Variants in LSM2 observed in about 807,000 individuals in gnomAD.
The protein encoded by LSM2 is U6 snRNA-associated Sm-like protein LSm2.
Under a neutral mutation model 17.0 loss-of-function variants are expected in LSM2, and 12 were observed. That is an observed-to-expected ratio of 0.70 (90% CI 0.45 to 1.14). The LOEUF (loss-of-function observed/expected upper bound fraction) is 1.14, where lower values mean the gene tolerates loss of function less well. Among genes scored for constraint, LSM2 ranks in the 50% most tolerant of loss-of-function variants. The pLI is 0.00. For synonymous variants in LSM2, 42 were observed against 44.5 expected (o/e 0.94, Z 0.22); for missense variants, 62 against 111.8 (o/e 0.55, Z 2.01).
At chr6:31,806,019 G>A in intron 2 of LSM2, 56 bp downstream of exon 2, 1 of 1,485,276 alleles carries the variant, frequency 6.7e-7, no homozygotes. Flanking sequence ...AATTAAAGAG[G>A]TTCCAGGGCC....
At chr6:31,806,530 A>G in intron 1 of LSM2, 1 of 671,624 alleles carries the variant, frequency 1.5e-6, no homozygotes, top group African/African-American at 1.8e-5. Flanking sequence ...GTCTCCCGCT[A>G]TCCTCACTGA....
chr6:31,800,253 T>C (rs1017901930), intron 2 of LSM2, among the ~76,000 whole-genome samples: 2 of 151,992 alleles, frequency 1.3e-5, no homozygotes, highest in Admixed American at 1.3e-4. Context: ...GGAGAATCAC[T>C]TGAACCCGGG....
intron 1 of LSM2, chr6:31,806,493 A>G (rs570493832): frequency 1.6e-6 from 1 of 616,496 alleles, no homozygotes; most frequent in African/African-American, 1.9e-5. Flanking sequence ...TGCCTGGCAG[A>G]GAAGTGCTCT....
chr6:31,800,229 G>C (rs188986181), intron 2 of LSM2, among the ~76,000 whole-genome samples: 1 of 152,010 alleles, frequency 6.6e-6, no homozygotes, highest in Admixed American at 6.6e-5. Flanking sequence ...CCAGCTACTC[G>C]GGAGGCTGAA....
intron 2 of LSM2, 121 bp downstream of exon 2, chr6:31,805,954 T>C: frequency 1.2e-6 from 1 of 830,052 alleles, no homozygotes; most frequent in Non-Finnish European, 2.0e-6. Flanking sequence ...CTGCACCCTA[T>C]CCATTTATTT....
intron 2 of LSM2, among the ~76,000 whole-genome samples, chr6:31,805,554 A>AG (rs1814983245): frequency 6.6e-6 from 1 of 151,736 alleles, no homozygotes; most frequent in African/African-American, 2.4e-5. Context: ...TAGTAGAGAC[A>AG]GGGTTTCACC....
At chr6:31,802,332 C>T (rs773259798) in intron 2 of LSM2, among the ~76,000 whole-genome samples, 1 of 152,042 alleles carries the variant, frequency 6.6e-6, no homozygotes, top group Non-Finnish European at 1.5e-5. Flanking sequence ...CGCAGTGGCT[C>T]ACACCTGTAA....
intron 3 of LSM2, 26 bp downstream of exon 3, chr6:31,798,451 A>G (rs376444564): frequency 1.9e-5 from 31 of 1,612,618 alleles, no homozygotes; most frequent in Middle Eastern, 1.7e-4. Flanking sequence ...CCAGGAACCA[A>G]TTCTGGGGCC....
At position 31,798,044 on chromosome 6, in the gene LSM2, G is replaced by C. The variant is rs1396240874; in HGVS notation, c.108C>G (p.Leu36=). The change falls in exon 4 of 5, where the codon CTC becomes CTG. Residue 36 remains leucine (L), a synonymous_variant. Coordinates refer to ENST00000375661, the MANE Select transcript of LSM2 (RefSeq NM_021177.5). ...CACTGATGTCAGTTAGTTTGATGTTGAGATACTAGGAAAGGAAGATGAACA... is the reference window on the plus strand; with the variant it reads ...CACTGATGTCAGTTAGTTTGATGTTCAGATACTAGGAAAGGAAGATGAACA... ...CGTLHSVDQY[L]NIKLTDISVT... The C allele has an allele frequency of 1.3e-6, 2 of 1,592,238 alleles. No individual in the cohort carries two copies. Among genetic ancestry groups the C allele is most frequent in the East Asian group, 2.2e-5 (1 of 44,682 alleles).
At chr6:31,801,827 C>T (rs1581678488) in intron 2 of LSM2, among the ~76,000 whole-genome samples, 1 of 151,638 alleles carries the variant, frequency 6.6e-6, no homozygotes, top group African/African-American at 2.4e-5. Context: ...TCTTCTTTCT[C>T]ATCCCAACAG....
chr6:31,801,631 C>T (rs763982559), intron 2 of LSM2, among the ~76,000 whole-genome samples: 1 of 151,380 alleles, frequency 6.6e-6, no homozygotes, highest in Non-Finnish European at 1.5e-5. Flanking sequence ...CCCATCCCTA[C>T]TAAAAATACA....
At chr6:31,801,189 A>G (rs1475880059) in intron 2 of LSM2, among the ~76,000 whole-genome samples, 1 of 151,054 alleles carries the variant, frequency 6.6e-6, no homozygotes, top group Non-Finnish European at 1.5e-5. Flanking sequence ...AAAAAAAAAA[A>G]AAAGACCCAC....
At position 31,806,759 on chromosome 6, in the gene LSM2, G is replaced by C. The variant is rs752766908; in HGVS notation, c.-2C>G. ...TTTTGACGTCACGGTACCCACCATG[G>C]TGCTGGCGCCGCGGGCAGCGGGCCG... On this transcript the variant is annotated 5_prime_UTR_variant, in exon 1 of 5. Coordinates refer to ENST00000375661, the MANE Select transcript of LSM2 (RefSeq NM_021177.5). The C allele has an allele frequency of 4.3e-6, 7 of 1,610,122 alleles. No homozygotes were observed. Among genetic ancestry groups the C allele is most frequent in the Non-Finnish European group, 5.1e-6 (6 of 1,178,992 alleles).
chr6:31,801,702 G>A (rs73400280), intron 2 of LSM2, among the ~76,000 whole-genome samples: 16,624 of 151,868 alleles, frequency 0.11, 1,245 homozygotes, highest in African/African-American at 0.19. Context: ...AGGCTGAGGT[G>A]GAAGAATCAC....
intron 2 of LSM2, among the ~76,000 whole-genome samples, chr6:31,804,869 C>T (rs1251881681): frequency 6.6e-6 from 1 of 150,606 alleles, no homozygotes; most frequent in East Asian, 2.0e-4. Flanking sequence ...CAGGTTCACG[C>T]CATTCTCCTG....
chr6:31,801,521 G>T (rs140990450), intron 2 of LSM2, among the ~76,000 whole-genome samples: 130 of 152,306 alleles, frequency 8.5e-4, no homozygotes, highest in Admixed American at 7.1e-3. Context: ...TTGGCCAGGC[G>T]TGGTGGCTCA....
At chr6:31,799,006 G>C (rs147533240) in intron 2 of LSM2, among the ~76,000 whole-genome samples, 28 of 152,186 alleles carry the variant, frequency 1.8e-4, no homozygotes, top group African/African-American at 6.5e-4. Flanking sequence ...AAAGTGCTGG[G>C]ATTACAGGTG....
chr6:31,802,236 T>C (rs1244710038), intron 2 of LSM2, among the ~76,000 whole-genome samples: 2 of 150,510 alleles, frequency 1.3e-5, no homozygotes, highest in African/African-American at 2.5e-5. Context: ...CCCGAGATCA[T>C]GCCACTGCAC....
At chr6:31,797,962 T>C (rs1228985043) in intron 4 of LSM2, 28 bp downstream of exon 4, 7 of 1,609,936 alleles carry the variant, frequency 4.3e-6, no homozygotes, top group Non-Finnish European at 5.9e-6. Flanking sequence ...TTAGAGGTGT[T>C]TCCTCTTCTC....
Sources: gnomAD v4.1 joint callset for allele counts (sites outside exome capture counted in the v4.1 genomes callset) on GRCh38, gnomAD v4.1.1 for gene constraint, MANE v1.5 for transcripts, NCBI Gene and HGNC (gene_info 2026-07-23, HGNC 2026-07-21) for gene names.